The following SEPTIN2 variants were observed in gnomAD, a reference collection of about 807,000 sequenced individuals.
SEPTIN2 encodes the protein septin-2.
A neutral mutation model predicts 46.5 loss-of-function variants in SEPTIN2; 34 were observed. The observed-to-expected ratio is 0.73, with a 90% CI of 0.56 to 0.97. SEPTIN2 has a LOEUF of 0.97. Ranked by LOEUF, SEPTIN2 falls within the 50% of genes least tolerant of loss-of-function variation. The pLI, the probability that SEPTIN2 is intolerant of heterozygous loss-of-function variation, is 0.00. For missense variants in SEPTIN2, 347 were observed against 448.4 expected (o/e 0.77, Z 2.04); for synonymous variants, 175 against 153.4 (o/e 1.14, Z -1.04).
At chr2:241,315,920 C>T (rs1363414415), upstream of SEPTIN2, 2 of 152,192 alleles carry the variant, frequency 1.3e-5, no homozygotes, top group African/African-American at 4.8e-5. Context: ...TGTGAGCGGA[C>T]CGCGAGCGCT....
chr2:241,330,502 G>A (rs942648405), intron 3 of SEPTIN2, among the ~76,000 whole-genome samples: 5 of 152,124 alleles, frequency 3.3e-5, no homozygotes, highest in Non-Finnish European at 7.3e-5. Context: ...CGTGTAAATG[G>A]GTGTGGCTCA....
chr2:241,320,317 CTTGT>C (rs1160364731), intron 1 of SEPTIN2: 1 of 470,876 alleles, frequency 2.1e-6, no homozygotes, highest in Non-Finnish European at 4.4e-6. Context: ...CTTAGTGATA[CTTGT>C]TTTAGTCAGA....
At chr2:241,324,578 G>T (rs1419573347) in intron 2 of SEPTIN2, 2 of 387,416 alleles carry the variant, frequency 5.2e-6, no homozygotes, top group Admixed American at 3.5e-5. Context: ...GTAAATTCGG[G>T]GTTTCACCGT....
intron 1 of SEPTIN2, among the ~76,000 whole-genome samples, chr2:241,319,687 G>A (rs1250536154): frequency 1.3e-5 from 2 of 152,160 alleles, no homozygotes; most frequent in Non-Finnish European, 2.9e-5. Context: ...CACCTCCTGG[G>A]CTCAAGGGAT....
chr2:241,346,017 A>G (rs925951414), intron 9 of SEPTIN2, 149 bp from the exon 10 acceptor site: 1 of 579,746 alleles, frequency 1.7e-6, no homozygotes, highest in Non-Finnish European at 3.2e-6. Context: ...GGCCATACTC[A>G]TTATCCTGAA....
At chr2:241,341,552 A>G (rs759210625) in intron 7 of SEPTIN2, among the ~76,000 whole-genome samples, 13 of 152,224 alleles carry the variant, frequency 8.5e-5, no homozygotes, top group Admixed American at 5.9e-4. Context: ...CTTATTGCTC[A>G]GTTTCTCCCA....
At chr2:241,344,254 A>AG (rs2081666068) in intron 9 of SEPTIN2, among the ~76,000 whole-genome samples, 1 of 152,194 alleles carries the variant, frequency 6.6e-6, no homozygotes, top group African/African-American at 2.4e-5. Context: ...CAGGCTGTAT[A>AG]GGCCCCTGGT....
intron 3 of SEPTIN2, among the ~76,000 whole-genome samples, chr2:241,328,096 CAG>C (rs1430725968): frequency 6.6e-6 from 1 of 152,030 alleles, no homozygotes; most frequent in African/African-American, 2.4e-5. Context: ...TTATTACATA[CAG>C]GGGATTGAAG....
intron 3 of SEPTIN2, among the ~76,000 whole-genome samples, chr2:241,332,009 A>G (rs2079079792): frequency 6.6e-6 from 1 of 152,218 alleles, no homozygotes; most frequent in African/African-American, 2.4e-5. Flanking sequence ...TAACAACTAG[A>G]TGATTATGTG....
Position 241,336,088 on chromosome 2 carries a change from T to C in SEPTIN2, c.331T>C (p.Cys111Arg), listed in dbSNP as rs769745495. Residue 111 changes from cysteine to arginine, a missense_variant, in exon 5 of 13, where the codon TGC becomes CGC. Physicochemically the swap from Cys to Arg is radical, Grantham distance 180. Transcript: ENST00000391971. ...CCCTGGCTATGGTGACGCTATCAAC[T>C]GCAGAGATTGGTATGCTCCCCCATG... ...DTPGYGDAIN[C>R]RDCFKTIISY... 3 of 1,614,076 alleles carry C rather than the reference T, an allele frequency of 1.9e-6. No homozygotes were observed. In the South Asian group the frequency reaches 3.3e-5, roughly 18 times the overall value.
At chr2:241,332,767 A>G (rs1357634549) in intron 3 of SEPTIN2, among the ~76,000 whole-genome samples, 1 of 152,282 alleles carries the variant, frequency 6.6e-6, no homozygotes, top group Non-Finnish European at 1.5e-5. Flanking sequence ...GTAGCCATAC[A>G]ATGGAATATT....
chr2:241,334,540 T>A (rs1402965268), intron 3 of SEPTIN2, among the ~76,000 whole-genome samples: 1 of 152,156 alleles, frequency 6.6e-6, no homozygotes, highest in Non-Finnish European at 1.5e-5. Flanking sequence ...GCCCGACATA[T>A]GACAGTTGCC....
At chr2:241,335,613 A>G in intron 4 of SEPTIN2, 1 of 585,434 alleles carries the variant, frequency 1.7e-6, no homozygotes, top group Non-Finnish European at 3.0e-6. Flanking sequence ...ATGACTGTTG[A>G]ATGAAATAGG....
chr2:241,325,355 G>A (rs2077784996), intron 2 of SEPTIN2: 1 of 151,798 alleles, frequency 6.6e-6, no homozygotes, highest in Non-Finnish European at 1.5e-5. Context: ...AAGGAATATT[G>A]ATGCTTCAGT....
intron 1 of SEPTIN2, 63 bp from the exon 2 acceptor site, chr2:241,324,153 G>C (rs1295465215): frequency 1.4e-6 from 2 of 1,469,922 alleles, no homozygotes; most frequent in Admixed American, 1.9e-5. Context: ...TTAAATATAC[G>C]TGCGTATACA....
In SEPTIN2 at chr2:241,333,865, G is replaced by C. The variant is rs145281410; in HGVS notation, c.131-1261G>C. Among the ~76,000 whole-genome samples, 12 of 152,214 alleles carry C rather than the reference G, an allele frequency of 7.9e-5. No individual in the cohort carries two copies. In the East Asian group the frequency reaches 2.3e-3, roughly 29 times the overall value. On this transcript the variant is annotated intron_variant, in intron 3 of 12. Coordinates refer to ENST00000391971, the MANE Select transcript of SEPTIN2 (RefSeq NM_004404.5). ...GATTTTCCCAGAATTGTTTTATTCT[G>C]TAAGGGACAGGGTCTCACTCTGTCA...
intron 4 of SEPTIN2, 160 bp downstream of exon 4, chr2:241,335,372 T>G (rs755585828): frequency 6.4e-6 from 10 of 1,552,016 alleles, no homozygotes; most frequent in Non-Finnish European, 8.7e-6. Flanking sequence ...TGCACCGAGG[T>G]CCTTGGATTT....
intron 3 of SEPTIN2, among the ~76,000 whole-genome samples, chr2:241,331,561 T>A (rs1003894594): frequency 2.6e-5 from 4 of 152,194 alleles, no homozygotes; most frequent in Admixed American, 2.6e-4. Context: ...CATCTAATTT[T>A]TGTATTTTTA....
chr2:241,325,375 T>A (rs1344180569), intron 2 of SEPTIN2: 2 of 152,254 alleles, frequency 1.3e-5, no homozygotes, highest in Non-Finnish European at 2.9e-5. Context: ...TGTAGTCATC[T>A]ATGATCTTCT....
Sources: gnomAD v4.1 joint callset for allele counts (sites outside exome capture counted in the v4.1 genomes callset) on GRCh38, gnomAD v4.1.1 for gene constraint, MANE v1.5 for transcripts, NCBI Gene and HGNC (gene_info 2026-07-23, HGNC 2026-07-21) for gene names.